Variants in DLC1 observed in about 807,000 individuals in gnomAD.
DLC1 encodes DLC1 Rho GTPase activating protein.
A neutral mutation model predicts 140.3 loss-of-function variants in DLC1; 54 were observed. That is an observed-to-expected ratio of 0.38 (90% CI 0.31 to 0.48). DLC1 has a LOEUF of 0.48. Ranked by LOEUF, DLC1 falls within the 20% of genes least tolerant of loss-of-function variation. DLC1 has a pLI of 0.96. For synonymous variants in DLC1, 986 were observed against 728.1 expected, an observed-to-expected ratio of 1.35 and a Z score of -5.70; for missense variants, 2,536 against 1,907.0, an observed-to-expected ratio of 1.33 and a Z score of -6.14.
intron 4 of DLC1, among the ~76,000 whole-genome samples, chr8:13,374,655 C>T (rs1045705385): frequency 1.2e-4 from 18 of 152,160 alleles, no homozygotes; most frequent in South Asian, 2.1e-4. Flanking sequence ...TGGTAGTATG[C>T]GCCTGTAATC....
intron 1 of DLC1, among the ~76,000 whole-genome samples, chr8:13,509,493 T>C (rs1388677035): frequency 6.6e-6 from 1 of 152,342 alleles, no homozygotes; most frequent in Non-Finnish European, 1.5e-5. Flanking sequence ...TTTGAGCTTA[T>C]TTTTATCACC....
At chr8:13,361,022 G>A (rs1292797421) in intron 4 of DLC1, among the ~76,000 whole-genome samples, 1 of 152,038 alleles carries the variant, frequency 6.6e-6, no homozygotes, top group Non-Finnish European at 1.5e-5. Flanking sequence ...TTTGAGCTCA[G>A]GAGTTCAAGT....
rs999025602 is a variant in DLC1 at position 13,153,193 on chromosome 8, G to A, written c.1349-37536C>T. Among the ~76,000 whole-genome samples the A allele has an allele frequency of 8.5e-5, 13 of 152,174 alleles. No homozygotes were observed. In the East Asian group the frequency reaches 2.1e-3, roughly 25 times the overall value. On this transcript the variant is annotated intron_variant, in intron 5 of 17. Transcript: ENST00000276297. Reference sequence around the variant, plus strand: ...AGTTTGTTCCTTCTGGTGTTCTGACGTGTTCAGGGTTTTTTTCCTTCTGGT... The same window carrying A: ...AGTTTGTTCCTTCTGGTGTTCTGACATGTTCAGGGTTTTTTTCCTTCTGGT...
At chr8:13,395,608 A>C (rs531309093) in intron 3 of DLC1, among the ~76,000 whole-genome samples, 7 of 152,302 alleles carry the variant, frequency 4.6e-5, no homozygotes, top group South Asian at 2.1e-4. Flanking sequence ...TTCTTCCTTA[A>C]TTCTCACAAT....
chr8:13,380,626 G>C (rs964498931), intron 4 of DLC1, among the ~76,000 whole-genome samples: 1 of 152,134 alleles, frequency 6.6e-6, no homozygotes, highest in Non-Finnish European at 1.5e-5. Context: ...TACATTCCTC[G>C]AAGTGTTCTT....
intron 4 of DLC1, among the ~76,000 whole-genome samples, chr8:13,310,506 A>G (rs550285832): frequency 2.0e-5 from 3 of 152,348 alleles, no homozygotes; most frequent in Non-Finnish European, 2.9e-5. Flanking sequence ...TCTGTCTCAG[A>G]TGAGAGCACA....
rs952467589 is a variant in DLC1 at position 13,085,751 on chromosome 8, C to A, written c.*60G>T. On this transcript the variant is annotated 3_prime_UTR_variant, in exon 18 of 18. Transcript: ENST00000276297. ...AGACACAGAACCCATTCTTCAAGGACTGGCAAAAGTTCTAGAAACAAACAC... is the reference window on the plus strand; with the variant it reads ...AGACACAGAACCCATTCTTCAAGGAATGGCAAAAGTTCTAGAAACAAACAC... 1 of 1,607,544 alleles carries A rather than the reference C, an allele frequency of 6.2e-7. No homozygotes were observed. Among genetic ancestry groups the A allele is most frequent in the Non-Finnish European group, 8.5e-7 (1 of 1,176,332 alleles).
chr8:13,346,488 C>A (rs1440943848), intron 4 of DLC1, among the ~76,000 whole-genome samples: 2 of 152,224 alleles, frequency 1.3e-5, no homozygotes, highest in East Asian at 3.8e-4. Context: ...ACGGCAAAAA[C>A]TACCATGGTA....
At chr8:13,534,097 A>G (rs1173475073) in intron 1 of DLC1, among the ~76,000 whole-genome samples, 3 of 152,160 alleles carry the variant, frequency 2.0e-5, no homozygotes, top group Non-Finnish European at 1.5e-5. Flanking sequence ...ATATTCTTGA[A>G]TATTATCTCT....
chr8:13,313,953 C>T (rs545053457), intron 4 of DLC1, among the ~76,000 whole-genome samples: 1 of 152,142 alleles, frequency 6.6e-6, no homozygotes, highest in African/African-American at 2.4e-5. Context: ...CTACTTGGGT[C>T]TCCAAACAGA....
At chr8:13,275,578 A>G (rs1831128460) in intron 5 of DLC1, among the ~76,000 whole-genome samples, 1 of 150,588 alleles carries the variant, frequency 6.6e-6, no homozygotes, top group Non-Finnish European at 1.5e-5. Context: ...ATCCCAACGC[A>G]AAAATCGGAC....
chr8:13,280,576 C>T (rs925842125), intron 5 of DLC1, among the ~76,000 whole-genome samples: 14 of 152,126 alleles, frequency 9.2e-5, no homozygotes, highest in Non-Finnish European at 1.8e-4. Context: ...CTGATTTATA[C>T]ATTTTATCTT....
At chr8:13,595,501 A>G (rs1306450725) in intron 1 of DLC1, among the ~76,000 whole-genome samples, 2 of 152,098 alleles carry the variant, frequency 1.3e-5, no homozygotes, top group African/African-American at 4.8e-5. Context: ...TGCTTTGAAT[A>G]TTCTAGCCAT....
intron 5 of DLC1, among the ~76,000 whole-genome samples, chr8:13,246,274 T>G (rs1199413085): frequency 6.6e-6 from 1 of 152,232 alleles, no homozygotes; most frequent in Non-Finnish European, 1.5e-5. Flanking sequence ...ACTTTGATTT[T>G]AAAAGTCAGA....
intron 4 of DLC1, among the ~76,000 whole-genome samples, chr8:13,325,649 T>A (rs962399231): frequency 6.6e-6 from 1 of 152,134 alleles, no homozygotes; most frequent in African/African-American, 2.4e-5. Context: ...TCTGAAAACA[T>A]GTGGAAAATG....
At chr8:13,351,715 A>C (rs1834672709) in intron 4 of DLC1, among the ~76,000 whole-genome samples, 1 of 152,192 alleles carries the variant, frequency 6.6e-6, no homozygotes, top group South Asian at 2.1e-4. Flanking sequence ...TAAAATATTC[A>C]CTATCTGATC....
chr8:13,327,114 C>A lies in DLC1; in HGVS notation c.1315-21812G>T, dbSNP rs377554698. ...GGACTATAGGCGCCCGCCACCACAC[C>A]CGGCTATTTTTTTTTTTTTTTTTTT... On this transcript the variant is annotated intron_variant, in intron 4 of 17. Transcript: ENST00000276297. Among the ~76,000 whole-genome samples the A allele has an allele frequency of 5.9e-4, 83 of 141,600 alleles. 1 individual carries two copies. Among genetic ancestry groups the A allele is most frequent in the African/African-American group, 1.8e-3 (69 of 38,804 alleles). 92.9% of individuals were successfully genotyped at this position (141,600 alleles called of 152,430 possible).
At chr8:13,559,446 T>C (rs899345042) in intron 1 of DLC1, 1 of 152,216 alleles carries the variant, frequency 6.6e-6, no homozygotes, top group African/African-American at 2.4e-5. Context: ...ACATTAGCTC[T>C]CTTTTCCAGG....
At chr8:13,426,985 C>G (rs947643075) in intron 2 of DLC1, among the ~76,000 whole-genome samples, 1 of 152,142 alleles carries the variant, frequency 6.6e-6, no homozygotes, top group Non-Finnish European at 1.5e-5. Flanking sequence ...ATGAATCCCC[C>G]TGGCTTTTGT....
Sources: allele counts gnomAD v4.1 joint callset (sites outside exome capture counted in the v4.1 genomes callset), GRCh38; gene constraint gnomAD v4.1.1; transcripts MANE v1.5; gene names NCBI Gene and HGNC (gene_info 2026-07-23, HGNC 2026-07-21).